RARB: variants seen among roughly 807,000 people sequenced by gnomAD.
RARB encodes the protein retinoic acid receptor beta.
RARB carries 17 observed loss-of-function variants against 51.9 expected under a neutral mutation model. The ratio of observed to expected loss-of-function variants is 0.33; its 90% confidence interval spans 0.22 to 0.49. RARB has a LOEUF of 0.49. RARB is among the 20% of genes least tolerant of loss of function. The pLI is 0.99. For missense variants in RARB, 369 were observed against 550.8 expected (o/e 0.67, Z 3.30); for synonymous variants, 215 against 195.4 (o/e 1.10, Z -0.84).
chr3:25,580,458 C>T (rs1488243578), intron 4 of RARB, 88 bp from the exon 5 acceptor site: 16 of 1,258,322 alleles, frequency 1.3e-5, no homozygotes, highest in Admixed American at 8.7e-5. Context: ...TGACATGTCA[C>T]CCCCTCTAAT....
intron 4 of RARB, among the ~76,000 whole-genome samples, chr3:25,165,359 C>T (rs894557657): frequency 1.3e-5 from 2 of 152,078 alleles, no homozygotes; most frequent in African/African-American, 4.8e-5. Context: ...CCAGTCTTCT[C>T]TCTCTGTCTT....
intron 5 of RARB, among the ~76,000 whole-genome samples, chr3:25,407,254 G>A (rs566661846): frequency 2.6e-5 from 4 of 152,138 alleles, no homozygotes; most frequent in East Asian, 1.9e-4. Context: ...ACAAACAGAC[G>A]GGGGTACTAG....
chr3:25,508,845 C>A (rs576260340), intron 3 of RARB, among the ~76,000 whole-genome samples: 2 of 151,628 alleles, frequency 1.3e-5, no homozygotes, highest in African/African-American at 4.9e-5. Context: ...TCTGCTGCCC[C>A]TTTCTACTTG....
intron 2 of RARB, among the ~76,000 whole-genome samples, chr3:24,937,902 C>T (rs1433851345): frequency 6.6e-6 from 1 of 152,062 alleles, no homozygotes; most frequent in Non-Finnish European, 1.5e-5. Context: ...AATCTAGAAA[C>T]AGGGTGTCTG....
At chr3:25,124,661 C>G (rs1193069336) in intron 3 of RARB, among the ~76,000 whole-genome samples, 1 of 152,160 alleles carries the variant, frequency 6.6e-6, no homozygotes, top group Non-Finnish European at 1.5e-5. Flanking sequence ...TCCTTGTGAA[C>G]CTGTTAAGCA....
At chr3:25,036,255 C>T (rs1697991373) in intron 2 of RARB, among the ~76,000 whole-genome samples, 1 of 152,126 alleles carries the variant, frequency 6.6e-6, no homozygotes, top group East Asian at 1.9e-4. Flanking sequence ...CTTTAGCTCC[C>T]TCTGCTGTGG....
At chr3:24,972,864 C>T (rs1329107781) in intron 2 of RARB, among the ~76,000 whole-genome samples, 1 of 151,744 alleles carries the variant, frequency 6.6e-6, no homozygotes, top group African/African-American at 2.4e-5. Flanking sequence ...TGTTTGGGCT[C>T]TTTATTCTGG....
chr3:25,414,162 A>C (rs572869153), intron 5 of RARB, among the ~76,000 whole-genome samples: 7 of 152,226 alleles, frequency 4.6e-5, no homozygotes, highest in Non-Finnish European at 7.3e-5. Context: ...TACTTAAATC[A>C]AATTATACAT....
chr3:25,349,058 T>TTTATA (rs1431108527), intron 5 of RARB, among the ~76,000 whole-genome samples: 3 of 152,118 alleles, frequency 2.0e-5, no homozygotes, highest in Non-Finnish European at 2.9e-5. Context: ...TACATTCCAG[T>TTTATA]TTATATTACC....
chr3:25,387,839 G>A (rs1244597483), intron 5 of RARB, among the ~76,000 whole-genome samples: 2 of 151,698 alleles, frequency 1.3e-5, no homozygotes, highest in African/African-American at 4.9e-5. Flanking sequence ...TGATGGCAAG[G>A]CTCAGAAATA....
intron 5 of RARB, among the ~76,000 whole-genome samples, chr3:25,244,543 T>G (rs1384930679): frequency 1.3e-5 from 2 of 152,182 alleles, no homozygotes; most frequent in East Asian, 3.8e-4. Flanking sequence ...AAGAACTTAT[T>G]TATTTCTGCC....
intron 2 of RARB, among the ~76,000 whole-genome samples, chr3:24,933,376 TA>T (rs1236905488): frequency 6.6e-6 from 1 of 152,120 alleles, no homozygotes; most frequent in Non-Finnish European, 1.5e-5. Context: ...TAAGCCAATT[TA>T]AAAAATTTCC....
chr3:25,554,348 G>T (rs1026590170), intron 3 of RARB, among the ~76,000 whole-genome samples: 1 of 151,900 alleles, frequency 6.6e-6, no homozygotes. Context: ...AATCAAGGAC[G>T]TTTTTTAGTG....
intron 3 of RARB, among the ~76,000 whole-genome samples, chr3:25,528,900 A>G (rs1258422424): frequency 1.3e-5 from 2 of 152,020 alleles, no homozygotes; most frequent in Admixed American, 1.3e-4. Flanking sequence ...TTTGCAAGTT[A>G]GCATTGATTG....
At chr3:25,219,785 G>T (rs1241556929) in intron 5 of RARB, among the ~76,000 whole-genome samples, 1 of 152,202 alleles carries the variant, frequency 6.6e-6, no homozygotes, top group African/African-American at 2.4e-5. Context: ...CTACCAAATG[G>T]TTTCAGAATA....
rs190056452 is a variant in RARB, at chr3:25,199,800, A to T, written c.178+25225A>T. Reference sequence around the variant, plus strand: ...TCATCCTTTTTTATGGCTGCATAGTATTCCACCGTGTATATGTGCCACATT... The same window carrying T: ...TCATCCTTTTTTATGGCTGCATAGTTTTCCACCGTGTATATGTGCCACATT... On this transcript the variant is annotated intron_variant, in intron 5 of 11. Transcript: ENST00000383772. Among the ~76,000 whole-genome samples the T allele has an allele frequency of 2.1e-4, 32 of 152,314 alleles. No homozygotes were observed. In the East Asian group the frequency reaches 6.0e-3, roughly 28 times the overall value.
chr3:24,986,394 TGGAAGA>T (rs1696795031), intron 2 of RARB, among the ~76,000 whole-genome samples: 1 of 152,226 alleles, frequency 6.6e-6, no homozygotes, highest in African/African-American at 2.4e-5. Context: ...ATTAAAGATC[TGGAAGA>T]TAAAAATTAT....
intron 1 of RARB, among the ~76,000 whole-genome samples, chr3:24,829,552 T>G (rs1206258689): frequency 6.6e-6 from 1 of 151,596 alleles, no homozygotes; most frequent in African/African-American, 2.4e-5. Context: ...ATTTTGCGTG[T>G]ACCGCGGCGG....
chr3:25,227,467 T>TA (rs1358107615), intron 5 of RARB, among the ~76,000 whole-genome samples: 3 of 152,124 alleles, frequency 2.0e-5, no homozygotes, highest in Admixed American at 6.6e-5. Flanking sequence ...CTATATTACA[T>TA]ATATATTTCC....
Sources: gnomAD v4.1 joint callset for allele counts (sites outside exome capture counted in the v4.1 genomes callset) on GRCh38, gnomAD v4.1.1 for gene constraint, MANE v1.5 for transcripts, NCBI Gene and HGNC (gene_info 2026-07-23, HGNC 2026-07-21) for gene names.